Variants in XRN2 observed in about 807,000 individuals in gnomAD.
XRN2 encodes the protein 5'-3' exoribonuclease 2, also known as DHM1-like protein.
A neutral mutation model predicts 138.5 loss-of-function variants in XRN2; 44 were observed. That is an observed-to-expected ratio of 0.32 (90% CI 0.25 to 0.41). The LOEUF (loss-of-function observed/expected upper bound fraction) is 0.41, where lower values mean the gene tolerates loss of function less well. Among genes scored for constraint, XRN2 ranks in the 10% least tolerant of loss-of-function variants. The pLI is 1.00. For synonymous variants in XRN2, 354 were observed against 369.4 expected (o/e 0.96, Z 0.48); for missense variants, 937 against 1,169.3 (o/e 0.80, Z 2.90).
At position 21,331,643 on chromosome 20, in the gene XRN2, A is replaced by C. The variant is rs776912916; in HGVS notation, c.649+10A>C. The C allele has an allele frequency of 1.5e-5, 24 of 1,609,100 alleles. No individual in the cohort carries two copies. Among genetic ancestry groups the C allele is most frequent in the Non-Finnish European group, 2.0e-5 (23 of 1,178,156 alleles). ...ATTAGAAGGCAAAGAGGTAAAGCTT[A>C]CTTACCAATATTTGATTATATGTTC... is the stretch of plus-strand genomic sequence containing the variant. On this transcript the variant is annotated intron_variant, in intron 7 of 29. Transcript: ENST00000377191.
intron 1 of XRN2, among the ~76,000 whole-genome samples, chr20:21,321,147 G>A (rs2038037348): frequency 6.6e-6 from 1 of 151,806 alleles, no homozygotes; most frequent in Non-Finnish European, 1.5e-5. Flanking sequence ...TCCTGAGTAA[G>A]CTGGGATTAC....
At chr20:21,346,294 G>A in intron 16 of XRN2, 121 bp from the exon 17 acceptor site, 1 of 1,286,670 alleles carries the variant, frequency 7.8e-7, no homozygotes, top group Non-Finnish European at 1.1e-6. Context: ...TAGCATGACT[G>A]TTTAACTCTT....
intron 1 of XRN2, 126 bp downstream of exon 1, chr20:21,303,599 C>G (rs1600663367): frequency 7.2e-7 from 1 of 1,382,332 alleles, no homozygotes. Context: ...CTGCCAGCCT[C>G]GCGAGCAGTC....
intron 16 of XRN2, 52 bp from the exon 17 acceptor site, chr20:21,346,363 C>T (rs2038435204): frequency 1.2e-6 from 2 of 1,602,078 alleles, no homozygotes; most frequent in Admixed American, 3.4e-5. Context: ...AGTAGACAGC[C>T]TGTTACTGAA....
intron 1 of XRN2, among the ~76,000 whole-genome samples, chr20:21,309,854 T>G (rs982491402): frequency 6.6e-6 from 1 of 152,226 alleles, no homozygotes; most frequent in African/African-American, 2.4e-5. Context: ...AATTCTACTT[T>G]CTTTGTTTTG....
rs756290490 is a variant in XRN2, at chr20:21,365,441, A to G, written c.2276A>G (p.Gln759Arg). 6.2e-7 allele frequency: 1 copy of G among 1,613,596 alleles called. No individual in the cohort carries two copies. Among genetic ancestry groups the G allele is most frequent in the Non-Finnish European group, 8.5e-7 (1 of 1,179,916 alleles). ...TVVSINFKDPQFAEDYIFKAV... is the reference protein window; with the variant it reads ...TVVSINFKDPRFAEDYIFKAV... Reference sequence around the variant, plus strand: ...TCCAGTATTAATTTTAAAGACCCACAGTTTGCTGAAGATTACATTTTTAAA... The same window carrying G: ...TCCAGTATTAATTTTAAAGACCCACGGTTTGCTGAAGATTACATTTTTAAA... Residue 759 changes from glutamine (Q) to arginine (R), a missense_variant, in exon 25 of 30, where the codon CAG (glutamine) becomes CGG (arginine). Gln to Arg is a conservative substitution (Grantham distance 43). Transcript: ENST00000377191.
intron 1 of XRN2, among the ~76,000 whole-genome samples, chr20:21,322,831 C>A (rs1273547164): frequency 2.6e-5 from 4 of 152,194 alleles, no homozygotes; most frequent in Non-Finnish European, 5.9e-5. Flanking sequence ...CCTGCTTTAT[C>A]CATGAAGTCA....
chr20:21,311,401 G>A (rs1244111457), intron 1 of XRN2, among the ~76,000 whole-genome samples: 1 of 152,120 alleles, frequency 6.6e-6, no homozygotes, highest in Non-Finnish European at 1.5e-5. Context: ...GTTGTTGCAT[G>A]TCTCAGAATT....
In XRN2 at chr20:21,354,887, T is replaced by C. The variant is rs748421571; in HGVS notation, c.2020+15T>C. ...TCCAGAAGAGAGTAAGAATTATACT[T>C]CTTAGTTAACATTGATCTGTGTAAT... On this transcript the variant is annotated intron_variant, in intron 21 of 29. Coordinates refer to ENST00000377191, the MANE Select transcript of XRN2 (RefSeq NM_012255.5). 20 of 1,603,548 alleles carry C rather than the reference T, an allele frequency of 1.2e-5. No homozygotes were observed. The East Asian group carries it at 4.5e-4, about 36-fold the overall frequency.
intron 1 of XRN2, among the ~76,000 whole-genome samples, chr20:21,319,219 G>T (rs1220427804): frequency 6.6e-6 from 1 of 151,952 alleles, no homozygotes; most frequent in Non-Finnish European, 1.5e-5. Context: ...TCTTGTGGTT[G>T]CTGTCTGCAT....
chr20:21,372,793 C>G (rs539960474), intron 27 of XRN2, among the ~76,000 whole-genome samples: 1 of 151,838 alleles, frequency 6.6e-6, no homozygotes, highest in Non-Finnish European at 1.5e-5. Flanking sequence ...CAGAAGCCCC[C>G]CATTGTGTCC....
chr20:21,366,208 ATAAT>A (rs1224703334), intron 26 of XRN2, among the ~76,000 whole-genome samples: 1 of 131,802 alleles, frequency 7.6e-6, no homozygotes, highest in Non-Finnish European at 1.6e-5. Flanking sequence ...GTTTATATAT[ATAAT>A]ATAGTTTATA....
chr20:21,356,953 TTCTC>T (rs1282534820), intron 23 of XRN2, among the ~76,000 whole-genome samples: 2 of 152,154 alleles, frequency 1.3e-5, no homozygotes, highest in Non-Finnish European at 2.9e-5. Context: ...TTCTTACACT[TTCTC>T]TCTTGAGTGC....
At chr20:21,334,035 C>G (rs1195928092) in intron 12 of XRN2, 41 bp downstream of exon 12, 3 of 1,613,648 alleles carry the variant, frequency 1.9e-6, no homozygotes, top group Non-Finnish European at 2.5e-6. Flanking sequence ...GAAGTATTTG[C>G]TTTTATAAGA....
At chr20:21,365,956 A>G (rs1306184903) in intron 26 of XRN2, among the ~76,000 whole-genome samples, 21 of 117,660 alleles carry the variant, frequency 1.8e-4, no homozygotes, top group Non-Finnish European at 3.0e-4. Flanking sequence ...TATATATATA[A>G]TTACAGGAGT....
At chr20:21,332,211 T>C in intron 8 of XRN2, 72 bp from the exon 9 acceptor site, 1 of 1,533,794 alleles carries the variant, frequency 6.5e-7, no homozygotes, top group Non-Finnish European at 8.8e-7. Flanking sequence ...TGTTGGCATC[T>C]CATAGTAGTT....
chr20:21,333,043 CT>C (rs1208040592), intron 9 of XRN2, among the ~76,000 whole-genome samples: 1 of 152,130 alleles, frequency 6.6e-6, no homozygotes, highest in Non-Finnish European at 1.5e-5. Flanking sequence ...TATGGTGCCT[CT>C]TTCAAAGACA....
intron 27 of XRN2, among the ~76,000 whole-genome samples, chr20:21,381,713 T>TACAC (rs10523116): frequency 1.2e-4 from 18 of 150,228 alleles, no homozygotes; most frequent in South Asian, 1.1e-3. Flanking sequence ...TACACACACA[T>TACAC]ACACACACAC....
chr20:21,336,803 G>A (rs147429880), intron 13 of XRN2, among the ~76,000 whole-genome samples: 5 of 152,308 alleles, frequency 3.3e-5, no homozygotes, highest in Non-Finnish European at 5.9e-5. Flanking sequence ...GAGAGGTTGG[G>A]CATTACAGTT....
Sources: gnomAD v4.1 joint callset for allele counts (sites outside exome capture counted in the v4.1 genomes callset) on GRCh38, gnomAD v4.1.1 for gene constraint, MANE v1.5 for transcripts, NCBI Gene and HGNC (gene_info 2026-07-23, HGNC 2026-07-21) for gene names.